JAZF1: variants seen among roughly 807,000 people sequenced by gnomAD.
JAZF1 encodes JAZF zinc finger 1.
Under a neutral mutation model 26.4 loss-of-function variants are expected in JAZF1, and 8 were observed. The observed-to-expected ratio is 0.30, with a 90% CI of 0.18 to 0.55. The LOEUF (loss-of-function observed/expected upper bound fraction) is 0.55. Among genes scored for constraint, JAZF1 ranks in the 20% least tolerant of loss-of-function variants. The probability of loss-of-function intolerance (pLI) is 0.94; values close to 1 mark genes in which losing one functional copy is unlikely to be tolerated. For missense variants in JAZF1, 199 were observed against 322.0 expected, an observed-to-expected ratio of 0.62 and a Z score of 2.92; for synonymous variants, 126 against 122.3, an observed-to-expected ratio of 1.03 and a Z score of -0.20.
intron 1 of JAZF1, among the ~76,000 whole-genome samples, chr7:28,130,195 T>C (rs1019276360): frequency 2.6e-5 from 4 of 152,176 alleles, no homozygotes; most frequent in Non-Finnish European, 5.9e-5. Flanking sequence ...TCTGGATACA[T>C]CTACAATATA....
intron 1 of JAZF1, among the ~76,000 whole-genome samples, chr7:28,111,698 C>CA (rs1477768762): frequency 1.3e-5 from 2 of 152,182 alleles, no homozygotes; most frequent in East Asian, 3.8e-4. Flanking sequence ...TTATTATTAG[C>CA]ATAGATACCT....
At chr7:28,007,906 C>T (rs1272231512) in intron 1 of JAZF1, among the ~76,000 whole-genome samples, 1 of 152,068 alleles carries the variant, frequency 6.6e-6, no homozygotes, top group Non-Finnish European at 1.5e-5. Context: ...TTTTTCCTCG[C>T]TAAAAAGTGC....
rs563221697 is a variant in JAZF1 at position 28,160,373 on chromosome 7, T to C, written c.115+20090A>G. The stretch of plus-strand genomic sequence containing the variant: ...CACTACCTAATATGACATACTTTTG[T>C]TTCTTTGTTGTCTACCTGTGTCCCC... On this transcript the variant is annotated intron_variant, in intron 1 of 4. Coordinates refer to ENST00000283928, the MANE Select transcript of JAZF1 (RefSeq NM_175061.4). 5.1e-4 allele frequency among the ~76,000 whole-genome samples: 77 copies of C among 152,280 alleles called. 1 individual carries two copies. The highest frequency in any genetic ancestry group is 8.8e-4 in the Non-Finnish European group (60 of 68,028).
intron 2 of JAZF1, among the ~76,000 whole-genome samples, chr7:27,959,936 T>C (rs1034344010): frequency 9.9e-5 from 15 of 151,986 alleles, no homozygotes; most frequent in African/African-American, 3.4e-4. Flanking sequence ...AGTTTCTTAA[T>C]CTTGTGGAAG....
intron 1 of JAZF1, among the ~76,000 whole-genome samples, chr7:28,071,035 T>G (rs1583543727): frequency 6.6e-6 from 1 of 152,236 alleles, no homozygotes; most frequent in South Asian, 2.1e-4. Flanking sequence ...TACCTAGAAC[T>G]GGTTACCGGG....
intron 1 of JAZF1, among the ~76,000 whole-genome samples, chr7:28,127,816 G>C (rs1194559414): frequency 1.3e-5 from 2 of 152,074 alleles, no homozygotes; most frequent in African/African-American, 4.8e-5. Context: ...CGAGCAAAAG[G>C]GGGAAAAGCC....
At chr7:27,903,778 C>T (rs1327433185) in intron 2 of JAZF1, among the ~76,000 whole-genome samples, 2 of 152,216 alleles carry the variant, frequency 1.3e-5, no homozygotes, top group South Asian at 2.1e-4. Context: ...GGGCTGTTCT[C>T]TGCTTGGCAG....
At chr7:27,878,585 A>T (rs1214811123) in intron 3 of JAZF1, among the ~76,000 whole-genome samples, 1 of 152,232 alleles carries the variant, frequency 6.6e-6, no homozygotes, top group Non-Finnish European at 1.5e-5. Context: ...CCATATATGT[A>T]AAGATCTGAT....
chr7:27,862,471 ATTTC>A (rs1383883573), intron 3 of JAZF1, among the ~76,000 whole-genome samples: 2 of 151,688 alleles, frequency 1.3e-5, no homozygotes, highest in South Asian at 2.1e-4. Flanking sequence ...CAATCCACTT[ATTTC>A]AAGCGTACTG....
chr7:28,072,769 T>C (rs775537777), intron 1 of JAZF1, among the ~76,000 whole-genome samples: 17 of 152,222 alleles, frequency 1.1e-4, no homozygotes, highest in African/African-American at 1.7e-4. Context: ...AGGATGAGTT[T>C]ACCTTTCTTT....
chr7:28,087,572 C>G (rs1422673021), intron 1 of JAZF1, among the ~76,000 whole-genome samples: 3 of 152,064 alleles, frequency 2.0e-5, no homozygotes, highest in African/African-American at 7.2e-5. Flanking sequence ...GTATTAACAA[C>G]CAACCTCTCC....
intron 1 of JAZF1, among the ~76,000 whole-genome samples, chr7:28,055,751 T>C (rs1196960800): frequency 1.3e-5 from 2 of 152,150 alleles, no homozygotes; most frequent in Non-Finnish European, 2.9e-5. Context: ...GCTGATTTGA[T>C]GATAATAGCT....
intron 1 of JAZF1, among the ~76,000 whole-genome samples, chr7:28,082,255 G>A (rs1471621457): frequency 6.6e-6 from 1 of 152,100 alleles, no homozygotes; most frequent in African/African-American, 2.4e-5. Flanking sequence ...GGGGGCGTGG[G>A]GAGGCGAGGA....
chr7:28,049,998 G>A (rs1472040976), intron 1 of JAZF1, among the ~76,000 whole-genome samples: 2 of 151,970 alleles, frequency 1.3e-5, no homozygotes, highest in African/African-American at 2.4e-5. Flanking sequence ...TGGCAGGTGC[G>A]GCTGAAAGCT....
intron 1 of JAZF1, among the ~76,000 whole-genome samples, chr7:28,062,856 G>T (rs1402134518): frequency 6.6e-6 from 1 of 152,034 alleles, no homozygotes; most frequent in African/African-American, 2.4e-5. Context: ...CTCCTCGTTT[G>T]ACCCAGACTG....
At chr7:28,028,747 C>T (rs1433482288) in intron 1 of JAZF1, among the ~76,000 whole-genome samples, 1 of 152,170 alleles carries the variant, frequency 6.6e-6, no homozygotes, top group Non-Finnish European at 1.5e-5. Flanking sequence ...CCAATATGTA[C>T]TAAGTGTCTA....
rs373306647 is a variant in JAZF1, at chr7:28,050,131, C to G, written c.116-58150G>C. Among the ~76,000 whole-genome samples the G allele has an allele frequency of 1.2e-4, 19 of 152,122 alleles. No homozygotes were observed. The South Asian group carries it at 3.7e-3, about 30-fold the overall frequency. On this transcript the variant is annotated intron_variant, in intron 1 of 4. Transcript: ENST00000283928. ...CAGGAAATTCCATGAGATGGAGGAG[C>G]TCTGTGTCAGGAACTGGGGTCAAAG...
chr7:27,849,755 AC>A, intron 3 of JAZF1, among the ~76,000 whole-genome samples: 1 of 86,946 alleles, frequency 1.2e-5, no homozygotes, highest in Non-Finnish European at 2.5e-5. Flanking sequence ...ACACACAGAC[AC>A]ACACACACAC....
At chr7:27,907,665 G>A (rs1337664890) in intron 2 of JAZF1, among the ~76,000 whole-genome samples, 1 of 152,212 alleles carries the variant, frequency 6.6e-6, no homozygotes, top group Non-Finnish European at 1.5e-5. Flanking sequence ...CACTGGAGGT[G>A]TCCAGTTAAT....
Sources: gnomAD v4.1 joint callset for allele counts (sites outside exome capture counted in the v4.1 genomes callset) on GRCh38, gnomAD v4.1.1 for gene constraint, MANE v1.5 for transcripts, NCBI Gene and HGNC (gene_info 2026-07-23, HGNC 2026-07-21) for gene names.